Variants in ANGPT4 observed in about 807,000 individuals in gnomAD.
The protein encoded by ANGPT4 is angiopoietin 4, also known as angiopoietin-4.
In ANGPT4, 50 loss-of-function variants were observed where a neutral mutation model predicts 53.0. That is an observed-to-expected ratio of 0.94 (90% CI 0.75 to 1.20). ANGPT4 has a LOEUF of 1.20. ANGPT4 is among the 50% of genes most tolerant of loss of function. ANGPT4 has a pLI of 0.00. For missense variants in ANGPT4, 648 were observed against 637.1 expected, an observed-to-expected ratio of 1.02 and a Z score of -0.18; for synonymous variants, 251 against 259.7, an observed-to-expected ratio of 0.97 and a Z score of 0.32.
At chr20:884,782 C>CA (rs1166779772) in intron 4 of ANGPT4, among the ~76,000 whole-genome samples, 3 of 152,106 alleles carry the variant, frequency 2.0e-5, no homozygotes, top group Non-Finnish European at 4.4e-5. Flanking sequence ...CCAAACTTGT[C>CA]AGTCTGGATT....
chr20:899,451 C>A (rs1239257940), intron 1 of ANGPT4, among the ~76,000 whole-genome samples: 1 of 151,958 alleles, frequency 6.6e-6, no homozygotes, highest in African/African-American at 2.4e-5. Context: ...GACGGGGTTT[C>A]ACCGTGTTAG....
chr20:893,139 G>GA (rs1175878377), intron 1 of ANGPT4, among the ~76,000 whole-genome samples: 1 of 152,100 alleles, frequency 6.6e-6, no homozygotes, highest in South Asian at 2.1e-4. Context: ...ACTTGAGTGA[G>GA]AAAAAAAGAT....
At chr20:902,477 C>A (rs1982324116) in intron 1 of ANGPT4, among the ~76,000 whole-genome samples, 1 of 152,172 alleles carries the variant, frequency 6.6e-6, no homozygotes, top group African/African-American at 2.4e-5. Context: ...ACCGCAGATA[C>A]TCTAATATCT....
At chr20:904,387 C>G (rs1242207491) in intron 1 of ANGPT4, among the ~76,000 whole-genome samples, 1 of 152,246 alleles carries the variant, frequency 6.6e-6, no homozygotes, top group Non-Finnish European at 1.5e-5. Flanking sequence ...GTTCCACATT[C>G]ATCCAGGTAG....
chr20:879,499 TA>T (rs1981305863), intron 6 of ANGPT4, among the ~76,000 whole-genome samples: 1 of 152,204 alleles, frequency 6.6e-6, no homozygotes, highest in Non-Finnish European at 1.5e-5. Flanking sequence ...AATGTATATG[TA>T]TTTTTTTAAA....
chr20:909,684 A>G (rs1288426538), intron 1 of ANGPT4, among the ~76,000 whole-genome samples: 1 of 152,214 alleles, frequency 6.6e-6, no homozygotes, highest in Admixed American at 6.5e-5. Flanking sequence ...CAGATAAGGA[A>G]ACCGAGTCAC....
intron 2 of ANGPT4, among the ~76,000 whole-genome samples, chr20:889,266 T>C (rs1039105690): frequency 6.6e-6 from 1 of 151,528 alleles, no homozygotes; most frequent in African/African-American, 2.4e-5. Context: ...TATGCAGACA[T>C]GTGTTGCTTA....
chr20:909,607 A>G (rs536797096), intron 1 of ANGPT4, among the ~76,000 whole-genome samples: 52 of 152,240 alleles, frequency 3.4e-4, no homozygotes, highest in Admixed American at 1.1e-3. Context: ...TGAGCCCCAC[A>G]TGTGCATTGC....
At chr20:899,818 C>G (rs1056510421) in intron 1 of ANGPT4, among the ~76,000 whole-genome samples, 1 of 152,240 alleles carries the variant, frequency 6.6e-6, no homozygotes, top group Non-Finnish European at 1.5e-5. Context: ...ATCCCAGCCT[C>G]TCTTCGGTTT....
At chr20:877,655 T>C (rs76754423) in intron 7 of ANGPT4, among the ~76,000 whole-genome samples, 4,489 of 152,294 alleles carry the variant, frequency 0.029, 88 homozygotes, top group East Asian at 0.045. Flanking sequence ...GTGAGAAACC[T>C]TGATGATCTT....
At chr20:910,568 G>C (rs1022275180) in intron 1 of ANGPT4, among the ~76,000 whole-genome samples, 2 of 152,136 alleles carry the variant, frequency 1.3e-5, no homozygotes, top group Non-Finnish European at 2.9e-5. Flanking sequence ...AACAAACTGC[G>C]GCCAGAGTCT....
Position 881,360 on chromosome 20 carries a change from C to T in ANGPT4, c.836-74G>A, listed in dbSNP as rs73582825. 6.2e-3 allele frequency: 8,509 copies of T among 1,363,834 alleles called. 440 individuals are homozygous for T. In the African/African-American group the frequency reaches 0.11, roughly 17 times the overall value. 84.5% of individuals were successfully genotyped at this position (1,363,834 alleles called of 1,614,324 possible). A position where few individuals can be genotyped will look rare whatever the true frequency, so the allele number is the denominator to read the frequency against. On this transcript the variant is annotated intron_variant, in intron 4 of 8. Coordinates refer to ENST00000381922, the MANE Select transcript of ANGPT4 (RefSeq NM_015985.4). ...AGAAGGGGCCAAGTGGGCATGCCTGCCTGCTTTGTGCCAGGTTCTGGGTTG... is the reference window on the plus strand; with the variant it reads ...AGAAGGGGCCAAGTGGGCATGCCTGTCTGCTTTGTGCCAGGTTCTGGGTTG...
chr20:913,216 A>G (rs1460601875), intron 1 of ANGPT4, among the ~76,000 whole-genome samples: 1 of 152,182 alleles, frequency 6.6e-6, no homozygotes, highest in Non-Finnish European at 1.5e-5. Flanking sequence ...TTAGAGAAAA[A>G]GCCAAAAAAA....
chr20:901,000 T>A (rs1982263337), intron 1 of ANGPT4, among the ~76,000 whole-genome samples: 1 of 152,100 alleles, frequency 6.6e-6, no homozygotes, highest in Non-Finnish European at 1.5e-5. Context: ...AACCCCACAA[T>A]GTCACCCTTT....
rs1044035992 is a variant in ANGPT4, at chr20:911,840, G to A, written c.309+4066C>T. 4.6e-5 allele frequency among the ~76,000 whole-genome samples: 7 copies of A among 151,414 alleles called. No individual in the cohort carries two copies. The highest frequency in any genetic ancestry group is 1.5e-4 in the African/African-American group (6 of 41,256). Reference sequence around the variant, plus strand: ...TAGGAGAGAGACAGAGAGAGGGAGAGAGGGACAGAGAGAGGGAGAGAGAGA... The same window carrying A: ...TAGGAGAGAGACAGAGAGAGGGAGAAAGGGACAGAGAGAGGGAGAGAGAGA... On this transcript the variant is annotated intron_variant, in intron 1 of 8. Coordinates refer to ENST00000381922, the MANE Select transcript of ANGPT4 (RefSeq NM_015985.4). This position sits in a 1 kb window ranked among gnomAD's most constrained non-coding sequence, Gnocchi z 4.9.
rs1453169215 is a variant in ANGPT4, at chr20:888,509, T to G, written c.466-70A>C. The G allele has an allele frequency of 9.7e-6, 15 of 1,543,838 alleles. 1 individual carries two copies. The East Asian group carries it at 3.5e-4, about 36-fold the overall frequency. ...CAGGAGCCCTGCCCAACCACCCACC[T>G]GCCCACAGGCCCTGCCACTCCAGAA... On this transcript the variant is annotated intron_variant, in intron 2 of 8. Coordinates refer to ENST00000381922, the MANE Select transcript of ANGPT4 (RefSeq NM_015985.4).
chr20:889,495 T>C (rs1981751802), intron 2 of ANGPT4, among the ~76,000 whole-genome samples: 1 of 152,154 alleles, frequency 6.6e-6, no homozygotes, highest in Non-Finnish European at 1.5e-5. Context: ...TGTATGCATA[T>C]CTAAACACAG....
intron 8 of ANGPT4, 119 bp from the exon 9 acceptor site, chr20:873,239 A>G: frequency 7.5e-6 from 3 of 401,408 alleles, no homozygotes; most frequent in Non-Finnish European, 1.3e-5. Flanking sequence ...TCCTCTGGGA[A>G]GCCAGCTGGC....
intron 1 of ANGPT4, among the ~76,000 whole-genome samples, chr20:903,094 C>G (rs538663698): frequency 1.3e-3 from 201 of 152,230 alleles, no homozygotes; most frequent in South Asian, 9.1e-3. Flanking sequence ...CTTCCCTCAC[C>G]CAGGGTACGA....
Sources: gnomAD v4.1 joint callset for allele counts (sites outside exome capture counted in the v4.1 genomes callset) on GRCh38, gnomAD v4.1.1 for gene constraint, Gnocchi (gnomAD v3.1) non-coding constraint, MANE v1.5 for transcripts, NCBI Gene and HGNC (gene_info 2026-07-23, HGNC 2026-07-21) for gene names.